The following LRRN2 variants were observed in gnomAD, a reference collection of about 807,000 sequenced individuals.
The protein encoded by LRRN2 is leucine rich repeat neuronal 2.
LRRN2 carries 10 observed loss-of-function variants against 35.7 expected under a neutral mutation model. That is an observed-to-expected ratio of 0.28 (90% CI 0.17 to 0.47). LRRN2 has a LOEUF of 0.47. LRRN2 is among the 20% of genes least tolerant of loss of function. The pLI, the probability that LRRN2 is intolerant of heterozygous loss-of-function variation, is 0.99. For synonymous variants in LRRN2, 391 were observed against 409.6 expected (o/e 0.95, Z 0.55); for missense variants, 731 against 940.3 (o/e 0.78, Z 2.91).
intron 1 of LRRN2, among the ~76,000 whole-genome samples, chr1:204,650,316 T>C (rs1021704209): frequency 1.3e-5 from 2 of 152,222 alleles, no homozygotes; most frequent in Non-Finnish European, 2.9e-5. Context: ...TTTTGCAGAC[T>C]GGGGAAATTA....
chr1:204,638,388 T>A (rs11240232), intron 1 of LRRN2, among the ~76,000 whole-genome samples: 54,254 of 144,128 alleles, frequency 0.38, 10,986 homozygotes, highest in Admixed American at 0.45. Flanking sequence ...TGAAGTAACT[T>A]GCCCAAGGTC....
At chr1:204,667,905 C>G (rs969080844) in intron 1 of LRRN2, among the ~76,000 whole-genome samples, 2 of 152,118 alleles carry the variant, frequency 1.3e-5, no homozygotes, top group African/African-American at 2.4e-5. Context: ...TAGGCAGAAG[C>G]CACGCCAGGG....
At chr1:204,631,971 C>T (rs1667716182) in intron 1 of LRRN2, among the ~76,000 whole-genome samples, 1 of 152,216 alleles carries the variant, frequency 6.6e-6, no homozygotes, top group Non-Finnish European at 1.5e-5. Flanking sequence ...TGCCTGTAAT[C>T]TCAGTGCTTT....
intron 1 of LRRN2, among the ~76,000 whole-genome samples, chr1:204,630,784 C>T (rs1213140591): frequency 1.3e-5 from 2 of 152,002 alleles, no homozygotes; most frequent in South Asian, 2.1e-4. Flanking sequence ...CAGGGCAGGC[C>T]GGTGGACAGT....
chr1:204,638,501 C>G (rs1296477188), intron 1 of LRRN2, among the ~76,000 whole-genome samples: 1 of 148,964 alleles, frequency 6.7e-6, no homozygotes, highest in Non-Finnish European at 1.5e-5. Context: ...AACCTCCGCC[C>G]TCTAGGTTTA....
intron 1 of LRRN2, among the ~76,000 whole-genome samples, chr1:204,644,037 C>G (rs1354381441): frequency 6.6e-6 from 1 of 152,152 alleles, no homozygotes; most frequent in Non-Finnish European, 1.5e-5. Flanking sequence ...ATCTAGCATG[C>G]AACAGGCACT....
At chr1:204,665,011 G>T (rs1042319657) in intron 1 of LRRN2, among the ~76,000 whole-genome samples, 12 of 152,136 alleles carry the variant, frequency 7.9e-5, no homozygotes, top group African/African-American at 2.4e-4. Flanking sequence ...TCCTAAATCA[G>T]ACACGTCACC....
At chr1:204,675,039 C>T (rs529616810) in intron 1 of LRRN2, among the ~76,000 whole-genome samples, 9 of 152,152 alleles carry the variant, frequency 5.9e-5, no homozygotes, top group South Asian at 2.1e-4. Context: ...AGGAGTGGAC[C>T]GTGGGTTGCA....
In LRRN2 at chr1:204,617,697, A is replaced by T; in HGVS notation, c.*154T>A. The stretch of plus-strand genomic sequence containing the variant: ...TTTTCGAGGCTGCAGAAGCACCCCC[A>T]GGGCCACAAAGCCCCATCTGTCTTG... On this transcript the variant is annotated 3_prime_UTR_variant, in exon 2 of 2. Coordinates refer to ENST00000367177, the MANE Select transcript of LRRN2 (RefSeq NM_201630.2). 1.2e-6 allele frequency: 1 copy of T among 843,784 alleles called. No individual in the cohort carries two copies. 52.3% of individuals were successfully genotyped at this position (843,784 alleles called of 1,614,324 possible). A position where few individuals can be genotyped will look rare whatever the true frequency, so the allele number is the denominator to read the frequency against.
At chr1:204,626,375 C>A (rs1212135049) in intron 1 of LRRN2, among the ~76,000 whole-genome samples, 2 of 152,084 alleles carry the variant, frequency 1.3e-5, no homozygotes, top group Admixed American at 1.3e-4. Flanking sequence ...CTGAGAGAGC[C>A]ACACTTCCCC....
At chr1:204,661,740 T>C (rs1472604766) in intron 1 of LRRN2, among the ~76,000 whole-genome samples, 1 of 151,062 alleles carries the variant, frequency 6.6e-6, no homozygotes, top group Non-Finnish European at 1.5e-5. Flanking sequence ...GCAGGGAGGG[T>C]TAGAGGTTGA....
rs189741297 is a variant in LRRN2, at chr1:204,632,697, C to T, written c.-226-12479G>A. On this transcript the variant is annotated intron_variant, in intron 1 of 1. Transcript: ENST00000367177. The stretch of plus-strand genomic sequence containing the variant: ...CTGTAATCCCAGCACTTTGGGAGGC[C>T]GAGGCGGGCGGATCACAAGGTCAGG... Among the ~76,000 whole-genome samples, 12 of 150,938 alleles carry T rather than the reference C, an allele frequency of 8.0e-5. No individual in the cohort carries two copies. In the East Asian group the frequency reaches 1.4e-3, roughly 17 times the overall value.
chr1:204,628,078 CTCCT>C lies in LRRN2; in HGVS notation c.-226-7864_-226-7861del, dbSNP rs146398473. The C allele has an allele frequency of 7.2e-3, 1,099 of 152,442 alleles. 14 individuals are homozygous for C. Among genetic ancestry groups the C allele is most frequent in the African/African-American group, 0.025 (1,033 of 41,566 alleles). The allele number at this position is 152,442 out of a possible 1,614,324, so 9.4% of individuals were successfully genotyped here. A position where few individuals can be genotyped will look rare whatever the true frequency, so the allele number is the denominator to read the frequency against. The stretch of plus-strand genomic sequence containing the variant: ...CAGTGTCTGGGCTCAGACCCCCTGC[CTCCT>C]TCCTTCCTGACAGGAAAGAGACAAA... On this transcript the variant is annotated intron_variant, in intron 1 of 1. Transcript: ENST00000367177.
rs535832685 is a variant in LRRN2 at position 204,617,955 on chromosome 1, G to A, written c.2038C>T (p.Arg680Trp). The A allele has an allele frequency of 3.7e-6, 6 of 1,613,922 alleles. No individual in the cohort carries two copies. Among genetic ancestry groups the A allele is most frequent in the Middle Eastern group, 1.7e-4 (1 of 6,036 alleles). The change falls in exon 2 of 2, where the codon CGG (arginine) becomes TGG (tryptophan). Residue 680 changes from arginine (R) to tryptophan (W), a missense_variant. Physicochemically the swap from Arg to Trp is moderately radical, Grantham distance 101. Transcript: ENST00000367177. ...AGGACGAGGGGAGCAGACACAACCC[G>A]GACAGAAGGGGCACTCCAGCCCCAG... ...AFWGWSAPSV[R>W]VVSAPLVLPW...
intron 1 of LRRN2, among the ~76,000 whole-genome samples, chr1:204,624,651 G>C (rs758681332): frequency 6.6e-5 from 10 of 151,996 alleles, no homozygotes; most frequent in Non-Finnish European, 1.3e-4. Flanking sequence ...TGCTTCTCAG[G>C]CCCCCGGCCC....
chr1:204,671,395 T>TGTGTGTGTGTG (rs1558422408), intron 1 of LRRN2, among the ~76,000 whole-genome samples: 117 of 141,520 alleles, frequency 8.3e-4, no homozygotes, highest in Middle Eastern at 3.5e-3. Context: ...AGCAATCTGT[T>TGTGTGTGTGTG]TGTGTGTTTG....
Position 204,624,746 on chromosome 1 carries a change from TC to T in LRRN2, c.-226-4529del, listed in dbSNP as rs71147707. 2.7e-3 allele frequency among the ~76,000 whole-genome samples: 234 copies of T among 87,526 alleles called. 3 individuals are homozygous for T. The highest frequency in any genetic ancestry group is 4.2e-3 in the Non-Finnish European group (180 of 42,520). 57.4% of individuals were successfully genotyped at this position (87,526 alleles called of 152,430 possible). ...CCTCCTCCCTCCTCTCCCTGGCGGTTCCCCCCCCACCCCCCCCCCCGGGAGC... is the reference window on the plus strand; with the variant it reads ...CCTCCTCCCTCCTCTCCCTGGCGGTTCCCCCCCACCCCCCCCCCCGGGAGC... On this transcript the variant is annotated intron_variant, in intron 1 of 1. Transcript: ENST00000367177.
chr1:204,655,460 T>A (rs72753880), intron 1 of LRRN2, among the ~76,000 whole-genome samples: 1 of 151,712 alleles, frequency 6.6e-6, no homozygotes, highest in Admixed American at 6.6e-5. Flanking sequence ...GCTAATTTTT[T>A]AAAAATGTTT....
chr1:204,667,149 A>G (rs1388357757), intron 1 of LRRN2, among the ~76,000 whole-genome samples: 2 of 152,148 alleles, frequency 1.3e-5, no homozygotes, highest in African/African-American at 4.8e-5. Context: ...GGTGTGGTTA[A>G]CTAGCTTGAT....
Sources: allele counts gnomAD v4.1 joint callset (sites outside exome capture counted in the v4.1 genomes callset), GRCh38; gene constraint gnomAD v4.1.1; transcripts MANE v1.5; gene names NCBI Gene and HGNC (gene_info 2026-07-23, HGNC 2026-07-21).